GUCY1A2: variants seen among roughly 807,000 people sequenced by gnomAD.
The protein encoded by GUCY1A2 is guanylate cyclase 1 soluble subunit alpha 2.
Under a neutral mutation model 63.5 loss-of-function variants are expected in GUCY1A2, and 27 were observed. That is an observed-to-expected ratio of 0.43 (90% CI 0.31 to 0.59). GUCY1A2 has a LOEUF of 0.59. GUCY1A2 is among the 20% of genes least tolerant of loss of function. The pLI is 0.11. For missense variants in GUCY1A2, 768 were observed against 913.3 expected, an observed-to-expected ratio of 0.84 and a Z score of 2.05; for synonymous variants, 364 against 343.5, an observed-to-expected ratio of 1.06 and a Z score of -0.66.
At chr11:106,739,997 C>CT (rs35005245) in intron 6 of GUCY1A2, among the ~76,000 whole-genome samples, 1,364 of 129,850 alleles carry the variant, frequency 0.011, 16 homozygotes, top group Admixed American at 0.021. Context: ...TTGAGAGGCA[C>CT]TTTTTTTTTT....
chr11:106,723,221 T>C (rs1225708932), intron 6 of GUCY1A2, among the ~76,000 whole-genome samples: 2 of 152,140 alleles, frequency 1.3e-5, no homozygotes, highest in Non-Finnish European at 2.9e-5. Context: ...GTATAAGTTG[T>C]TTCCTCTGGT....
At position 106,952,053 on chromosome 11, in the gene GUCY1A2, T is replaced by A. The variant is rs562865935; in HGVS notation, c.488-11875A>T. ...GTCAAAGATCAGATGGTTGCAGATA[T>A]GTGGTGTTATTTCTGAGGTCTCTGT... is the stretch of plus-strand genomic sequence containing the variant. On this transcript the variant is annotated intron_variant, in intron 3 of 7. Coordinates refer to ENST00000526355, the MANE Select transcript of GUCY1A2 (RefSeq NM_000855.3). Among the ~76,000 whole-genome samples the A allele has an allele frequency of 1.0e-3, 155 of 152,270 alleles. 1 individual carries two copies. The highest frequency in any genetic ancestry group is 1.4e-3 in the Non-Finnish European group (97 of 68,026).
At chr11:106,706,335 AC>A (rs1403367193) in intron 7 of GUCY1A2, among the ~76,000 whole-genome samples, 1 of 152,014 alleles carries the variant, frequency 6.6e-6, no homozygotes, top group East Asian at 1.9e-4. Context: ...TGTCAGCTCA[AC>A]GTGTCTATCT....
intron 6 of GUCY1A2, among the ~76,000 whole-genome samples, chr11:106,735,471 G>C (rs1469561957): frequency 6.6e-6 from 1 of 152,088 alleles, no homozygotes; most frequent in Non-Finnish European, 1.5e-5. Context: ...GCAAATAACA[G>C]GATCTCATTC....
chr11:106,787,181 T>C (rs1477434049), intron 5 of GUCY1A2, among the ~76,000 whole-genome samples: 1 of 151,826 alleles, frequency 6.6e-6, no homozygotes, highest in Non-Finnish European at 1.5e-5. Flanking sequence ...CTTAGTTATT[T>C]TTAAATGTAC....
At chr11:106,921,214 C>T (rs575049849) in intron 4 of GUCY1A2, among the ~76,000 whole-genome samples, 1 of 152,152 alleles carries the variant, frequency 6.6e-6, no homozygotes, top group African/African-American at 2.4e-5. Flanking sequence ...TCCATAGTCA[C>T]TGAATTCAAT....
chr11:106,862,645 T>A (rs1221822353), intron 4 of GUCY1A2, among the ~76,000 whole-genome samples: 1 of 152,028 alleles, frequency 6.6e-6, no homozygotes, highest in East Asian at 1.9e-4. Flanking sequence ...CAATTAATAC[T>A]ATACTGAACC....
chr11:107,009,293 G>A (rs1030640921), intron 1 of GUCY1A2, among the ~76,000 whole-genome samples: 25 of 152,218 alleles, frequency 1.6e-4, no homozygotes, highest in Middle Eastern at 3.4e-3. Flanking sequence ...CTGGCATTCA[G>A]ATCTGTTTTT....
chr11:106,942,433 G>C (rs1860763885), intron 3 of GUCY1A2, among the ~76,000 whole-genome samples: 1 of 152,060 alleles, frequency 6.6e-6, no homozygotes, highest in Non-Finnish European at 1.5e-5. Flanking sequence ...TTCAATGACA[G>C]TCCTTTGTTG....
At chr11:106,815,162 G>T (rs1858814394) in intron 4 of GUCY1A2, among the ~76,000 whole-genome samples, 1 of 151,816 alleles carries the variant, frequency 6.6e-6, no homozygotes, top group Non-Finnish European at 1.5e-5. Flanking sequence ...ATGCTGGGTG[G>T]GCTCAAAATT....
At chr11:106,736,146 A>C (rs996229396) in intron 6 of GUCY1A2, among the ~76,000 whole-genome samples, 1 of 151,950 alleles carries the variant, frequency 6.6e-6, no homozygotes, top group East Asian at 1.9e-4. Context: ...ATGTGATCCT[A>C]TTGGTCCATT....
chr11:106,939,635 T>C lies in GUCY1A2; in HGVS notation c.1031A>G (p.Glu344Gly). Reference sequence around the variant, plus strand: ...ACATCGAAGCTGCTTCCTTAGACCTTCCCCCAACTGAAGGACTGACATGCT... The same window carrying C: ...ACATCGAAGCTGCTTCCTTAGACCTCCCCCCAACTGAAGGACTGACATGCT... Reference protein sequence around the residue: ...DPSMSVLQLGEGLRKQLRCDT... With the variant: ...DPSMSVLQLGGGLRKQLRCDT... The change falls in exon 4 of 8, where the codon GAA becomes GGA. Residue 344 changes from glutamate to glycine, a missense_variant. By Grantham distance (98) the Glu-to-Gly change is moderately conservative. Around this residue, in one of 3 missense-constraint regions of GUCY1A2, gnomAD observed 496 missense variants for 486.9 expected, o/e 1.02. Coordinates refer to ENST00000526355, the MANE Select transcript of GUCY1A2 (RefSeq NM_000855.3). 6.2e-7 allele frequency: 1 copy of C among 1,613,702 alleles called. No homozygotes were observed. Among genetic ancestry groups the C allele is most frequent in the Non-Finnish European group, 8.5e-7 (1 of 1,179,834 alleles).
At chr11:106,876,216 T>A (rs1859746710) in intron 4 of GUCY1A2, among the ~76,000 whole-genome samples, 1 of 152,132 alleles carries the variant, frequency 6.6e-6, no homozygotes, top group South Asian at 2.1e-4. Context: ...ACATAAGATT[T>A]CTCTGAATGA....
At chr11:106,713,345 T>A (rs929332794) in intron 6 of GUCY1A2, among the ~76,000 whole-genome samples, 3 of 152,124 alleles carry the variant, frequency 2.0e-5, no homozygotes, top group Admixed American at 6.5e-5. Context: ...AAAAGTAAAC[T>A]ATTTGAAAAA....
At position 106,713,798 on chromosome 11, in the gene GUCY1A2, G is replaced by T. The variant is rs1487965630; in HGVS notation, c.1837-5132C>A. Among the ~76,000 whole-genome samples the T allele has an allele frequency of 5.3e-5, 8 of 151,890 alleles. No individual in the cohort carries two copies. The South Asian group carries it at 1.5e-3, about 28-fold the overall frequency. On this transcript the variant is annotated intron_variant, in intron 6 of 7. Coordinates refer to ENST00000526355, the MANE Select transcript of GUCY1A2 (RefSeq NM_000855.3). ...TGGGATTACAGGCGTGAGCCACCGC[G>T]CCCAGCCCAACATTAGTATATTTCT...
At chr11:107,004,329 C>T (rs1185466623) in intron 1 of GUCY1A2, among the ~76,000 whole-genome samples, 3 of 152,138 alleles carry the variant, frequency 2.0e-5, no homozygotes, top group Non-Finnish European at 2.9e-5. Flanking sequence ...TTCTCTGAAT[C>T]GAAATTTTCC....
chr11:106,994,106 G>A (rs1297172248), intron 1 of GUCY1A2, among the ~76,000 whole-genome samples: 1 of 152,044 alleles, frequency 6.6e-6, no homozygotes, highest in East Asian at 1.9e-4. Flanking sequence ...TAGAGCTTGG[G>A]GTAAATGTTG....
At chr11:106,821,807 A>G (rs966053476) in intron 4 of GUCY1A2, among the ~76,000 whole-genome samples, 1 of 152,156 alleles carries the variant, frequency 6.6e-6, no homozygotes, top group Non-Finnish European at 1.5e-5. Flanking sequence ...CTAACATCCA[A>G]TTATTATTAT....
intron 5 of GUCY1A2, among the ~76,000 whole-genome samples, chr11:106,786,734 TC>T (rs1421005762): frequency 6.6e-6 from 1 of 151,346 alleles, no homozygotes; most frequent in Non-Finnish European, 1.5e-5. Flanking sequence ...GGCTCCAGTT[TC>T]CCAGGTTCAT....
Sources: allele counts gnomAD v4.1 joint callset (sites outside exome capture counted in the v4.1 genomes callset), GRCh38; gene constraint gnomAD v4.1.1; regional missense constraint gnomAD v4.1.1; transcripts MANE v1.5; gene names NCBI Gene and HGNC (gene_info 2026-07-23, HGNC 2026-07-21).